Variants in PDZRN3 observed in about 807,000 individuals in gnomAD.
The protein encoded by PDZRN3 is E3 ubiquitin-protein ligase PDZRN3.
A neutral mutation model predicts 85.7 loss-of-function variants in PDZRN3; 38 were observed. The observed-to-expected ratio is 0.44, with a 90% CI of 0.34 to 0.58. PDZRN3 has a LOEUF of 0.58. Among genes scored for constraint, PDZRN3 ranks in the 20% least tolerant of loss-of-function variants. The pLI, the probability that PDZRN3 is intolerant of heterozygous loss-of-function variation, is 0.01. For synonymous variants in PDZRN3, 759 were observed against 638.0 expected (o/e 1.19, Z -2.86); for missense variants, 1,629 against 1,506.4 (o/e 1.08, Z -1.35).
At chr3:73,623,768 A>G (rs1359995124) in intron 1 of PDZRN3, 4 of 227,238 alleles carry the variant, frequency 1.8e-5, no homozygotes, top group African/African-American at 9.0e-5. Flanking sequence ...TGGTCTGAGC[A>G]GCAAAGCCTT....
At chr3:73,586,304 G>A (rs1264624922) in intron 3 of PDZRN3, among the ~76,000 whole-genome samples, 1 of 152,180 alleles carries the variant, frequency 6.6e-6, no homozygotes, top group African/African-American at 2.4e-5. Flanking sequence ...CCACCTGTCT[G>A]CAGGAGGTGT....
intron 3 of PDZRN3, among the ~76,000 whole-genome samples, chr3:73,597,274 T>C (rs1205868730): frequency 3.3e-5 from 5 of 152,174 alleles, no homozygotes; most frequent in Admixed American, 1.3e-4. Flanking sequence ...CCTTTCTAGC[T>C]GACCCTGTAA....
At position 73,383,583 on chromosome 3, in the gene PDZRN3, T is replaced by C. The variant is rs143168780; in HGVS notation, c.2983A>G (p.Met995Val). The C allele has an allele frequency of 7.4e-6, 12 of 1,614,022 alleles. No homozygotes were observed. Among genetic ancestry groups the C allele is most frequent in the African/African-American group, 1.3e-5 (1 of 74,950 alleles). ...AGACAATCCAACCTGCTCTGCATCA[T>C]GAACTCGCGCCGCCGCCGCTGCTCC... ...AKEQRRRREF[M>V]MQSRLDCLKE... Residue 995 changes from methionine to valine, a missense_variant, in exon 10 of 10, where the codon ATG becomes GTG. Physicochemically the swap from Met to Val is conservative, Grantham distance 21. Coordinates refer to ENST00000263666, the MANE Select transcript of PDZRN3 (RefSeq NM_015009.3).
At position 73,507,783 on chromosome 3, in the gene PDZRN3, C is replaced by A. The variant is rs1704093503; in HGVS notation, c.918+94571G>T. Among the ~76,000 whole-genome samples, 5 of 152,230 alleles carry A rather than the reference C, an allele frequency of 3.3e-5. No homozygotes were observed. In the South Asian group the frequency reaches 1.0e-3, roughly 32 times the overall value. ...CAGGTATTGGCAATTGTAAGTCAGA[C>A]TCGCTAACAAAAATTCTGAGATGCA... On this transcript the variant is annotated intron_variant, in intron 3 of 9. Coordinates refer to ENST00000263666, the MANE Select transcript of PDZRN3 (RefSeq NM_015009.3).
At chr3:73,418,105 G>A (rs1702128375) in intron 3 of PDZRN3, among the ~76,000 whole-genome samples, 1 of 152,146 alleles carries the variant, frequency 6.6e-6, no homozygotes, top group Non-Finnish European at 1.5e-5. Flanking sequence ...CTGTAAAATG[G>A]GAAATAAAAT....
In PDZRN3 at chr3:73,564,645, C is replaced by T. The variant is rs374028086; in HGVS notation, c.918+37709G>A. Reference sequence around the variant, plus strand: ...CTCTTCCAGGTCATTCCTGGTACCACTCAGGAACTTTCCTTCTCAGCATCA... The same window carrying T: ...CTCTTCCAGGTCATTCCTGGTACCATTCAGGAACTTTCCTTCTCAGCATCA... On this transcript the variant is annotated intron_variant, in intron 3 of 9. Coordinates refer to ENST00000263666, the MANE Select transcript of PDZRN3 (RefSeq NM_015009.3). 2.9e-4 allele frequency among the ~76,000 whole-genome samples: 44 copies of T among 152,314 alleles called. 1 individual carries two copies. Among genetic ancestry groups the T allele is most frequent in the Middle Eastern group, 3.4e-3 (1 of 294 alleles).
At chr3:73,412,654 A>G (rs1701997173) in intron 3 of PDZRN3, among the ~76,000 whole-genome samples, 1 of 152,212 alleles carries the variant, frequency 6.6e-6, no homozygotes. Flanking sequence ...TATCTTGAGC[A>G]GGTTATTCAT....
At chr3:73,604,927 G>A (rs1160735773) in intron 2 of PDZRN3, among the ~76,000 whole-genome samples, 1 of 152,158 alleles carries the variant, frequency 6.6e-6, no homozygotes, top group African/African-American at 2.4e-5. Flanking sequence ...GATGCAAAAA[G>A]CACATAAAGC....
rs375768457 is a variant in PDZRN3 at position 73,495,450 on chromosome 3, C to G, written c.919-91055G>C. On this transcript the variant is annotated intron_variant, in intron 3 of 9. Coordinates refer to ENST00000263666, the MANE Select transcript of PDZRN3 (RefSeq NM_015009.3). ...ATTGATTCATGTATATGCATCTTCC[C>G]ATAAATGCCATCAAACATCATGTAT... Among the ~76,000 whole-genome samples, 56 of 152,314 alleles carry G rather than the reference C, an allele frequency of 3.7e-4. 5 individuals are homozygous for G. The highest frequency in any genetic ancestry group is 1.9e-3 in the Admixed American group (29 of 15,302).
In PDZRN3 at chr3:73,480,487, G is replaced by A. The variant is rs77458173; in HGVS notation, c.919-76092C>T. On this transcript the variant is annotated intron_variant, in intron 3 of 9. Coordinates refer to ENST00000263666, the MANE Select transcript of PDZRN3 (RefSeq NM_015009.3). The stretch of plus-strand genomic sequence containing the variant: ...AATTTTAGTCTAACTTCTTTGTCTG[G>A]CTCTCTTCTCAATCATGCTGACTGC... 5.3e-5 allele frequency among the ~76,000 whole-genome samples: 8 copies of A among 152,172 alleles called. No individual in the cohort carries two copies. In the East Asian group the frequency reaches 1.5e-3, roughly 29 times the overall value.
chr3:73,497,881 C>A (rs1703898002), intron 3 of PDZRN3, among the ~76,000 whole-genome samples: 1 of 152,060 alleles, frequency 6.6e-6, no homozygotes, highest in Non-Finnish European at 1.5e-5. Context: ...GGGCCCACAC[C>A]CACAAGAACC....
At chr3:73,603,222 C>T (rs542752354) in intron 2 of PDZRN3, among the ~76,000 whole-genome samples, 1 of 152,066 alleles carries the variant, frequency 6.6e-6, no homozygotes, top group Non-Finnish European at 1.5e-5. Context: ...GTTTTTGTTC[C>T]GATGCACTAC....
chr3:73,556,616 C>A (rs1559736695), intron 3 of PDZRN3: 1 of 152,128 alleles, frequency 6.6e-6, no homozygotes, highest in Non-Finnish European at 1.5e-5. Flanking sequence ...CTCAAATAAT[C>A]ATGCTAATAC....
At chr3:73,489,169 G>A (rs1703721791) in intron 3 of PDZRN3, among the ~76,000 whole-genome samples, 1 of 152,210 alleles carries the variant, frequency 6.6e-6, no homozygotes, top group South Asian at 2.1e-4. Context: ...TGGGCAGGGT[G>A]CAGCTTCTTC....
intron 3 of PDZRN3, among the ~76,000 whole-genome samples, chr3:73,566,162 G>A: frequency 6.6e-6 from 1 of 152,072 alleles, no homozygotes; most frequent in East Asian, 1.9e-4. Context: ...AGAGAGAAAG[G>A]GATATCTTCA....
At chr3:73,388,219 A>ATGTT in intron 7 of PDZRN3, 150 bp from the exon 8 acceptor site, 1 of 538,438 alleles carries the variant, frequency 1.9e-6, no homozygotes, top group Non-Finnish European at 3.2e-6. Flanking sequence ...AAGAATACTG[A>ATGTT]TGTTAGGAAG....
At chr3:73,605,235 TC>T (rs1255043717) in intron 2 of PDZRN3, among the ~76,000 whole-genome samples, 8 of 151,918 alleles carry the variant, frequency 5.3e-5, no homozygotes, top group Admixed American at 5.2e-4. Flanking sequence ...TAGATTTCTC[TC>T]TTAAAAGGCA....
At position 73,411,489 on chromosome 3, in the gene PDZRN3, T is replaced by C. The variant is rs1701965925; in HGVS notation, c.919-7094A>G. Among the ~76,000 whole-genome samples the C allele has an allele frequency of 2.0e-5, 3 of 152,188 alleles. No homozygotes were observed. In the South Asian group the frequency reaches 6.2e-4, roughly 31 times the overall value. On this transcript the variant is annotated intron_variant, in intron 3 of 9. Coordinates refer to ENST00000263666, the MANE Select transcript of PDZRN3 (RefSeq NM_015009.3). ...AAAGGCAAGGTGGCAAGTAGGGCAG[T>C]GGGCTAGAGGCCGTGTCCATCCAGA...
intron 8 of PDZRN3, among the ~76,000 whole-genome samples, 193 bp downstream of exon 8, chr3:73,387,775 A>G (rs559735595): frequency 6.6e-6 from 1 of 152,268 alleles, no homozygotes; most frequent in South Asian, 2.1e-4. Flanking sequence ...TATAGATGCC[A>G]GGGTGGGCAT....
Sources: gnomAD v4.1 joint callset for allele counts (sites outside exome capture counted in the v4.1 genomes callset) on GRCh38, gnomAD v4.1.1 for gene constraint, MANE v1.5 for transcripts, NCBI Gene and HGNC (gene_info 2026-07-23, HGNC 2026-07-21) for gene names.